Variants in PCSK5 observed in about 807,000 individuals in gnomAD.
PCSK5 encodes proprotein convertase subtilisin/kexin type 5, also known as prohormone convertase 5.
In PCSK5, 129 loss-of-function variants were observed where a neutral mutation model predicts 233.2. That is an observed-to-expected ratio of 0.55 (90% CI 0.48 to 0.64). PCSK5 has a LOEUF of 0.64. Among genes scored for constraint, PCSK5 ranks in the 30% least tolerant of loss-of-function variants. The pLI is 0.00. For missense variants in PCSK5, 2,076 were observed against 2,430.1 expected, an observed-to-expected ratio of 0.85 and a Z score of 3.06; for synonymous variants, 825 against 879.2, an observed-to-expected ratio of 0.94 and a Z score of 1.09.
At chr9:76,171,969 C>T (rs1823350732) in intron 13 of PCSK5, among the ~76,000 whole-genome samples, 1 of 151,942 alleles carries the variant, frequency 6.6e-6, no homozygotes, top group Non-Finnish European at 1.5e-5. Context: ...GTGTCTATAT[C>T]ATTGTTTCTG....
At chr9:76,153,955 C>T (rs1443278813) in intron 10 of PCSK5, among the ~76,000 whole-genome samples, 4 of 152,290 alleles carry the variant, frequency 2.6e-5, no homozygotes, top group East Asian at 1.9e-4. Flanking sequence ...TCACCAAAAA[C>T]GTCAATGTTT....
intron 24 of PCSK5, among the ~76,000 whole-genome samples, chr9:76,282,247 A>G (rs1205162058): frequency 4.3e-5 from 6 of 139,436 alleles, no homozygotes; most frequent in Middle Eastern, 9.6e-3. Flanking sequence ...CCTCCTGACT[A>G]GCTAGGACTA....
chr9:75,890,378 T>C (rs1825523919), upstream of PCSK5, among the ~76,000 whole-genome samples: 1 of 152,140 alleles, frequency 6.6e-6, no homozygotes, highest in Non-Finnish European at 1.5e-5. Context: ...TAAATTTCTT[T>C]AGTCTTTCGG....
At chr9:75,984,390 A>T (rs1425656481) in intron 2 of PCSK5, among the ~76,000 whole-genome samples, 1 of 152,166 alleles carries the variant, frequency 6.6e-6, no homozygotes, top group Admixed American at 6.5e-5. Context: ...ATGCACACAT[A>T]TAGGTTGGCA....
intron 24 of PCSK5, among the ~76,000 whole-genome samples, chr9:76,263,692 TG>T (rs1326992693): frequency 6.6e-6 from 1 of 151,910 alleles, no homozygotes; most frequent in Non-Finnish European, 1.5e-5. Flanking sequence ...GATGAGTTAA[TG>T]GGTGCAGCAC....
chr9:75,959,640 C>G (rs1433639106), intron 2 of PCSK5, among the ~76,000 whole-genome samples: 1 of 152,220 alleles, frequency 6.6e-6, no homozygotes, highest in Admixed American at 6.5e-5. Context: ...GTTGTACATA[C>G]TCCAGTGTGG....
intron 20 of PCSK5, among the ~76,000 whole-genome samples, chr9:76,206,970 T>G (rs541848851): frequency 2.0e-5 from 3 of 152,216 alleles, no homozygotes; most frequent in African/African-American, 4.8e-5. Context: ...CATTTTCTTG[T>G]TTTTTTCAGC....
At chr9:75,986,061 C>A (rs752051696) in intron 2 of PCSK5, 71 bp from the exon 3 acceptor site, 42 of 883,680 alleles carry the variant, frequency 4.8e-5, no homozygotes, top group African/African-American at 8.2e-5. Flanking sequence ...ATGGGAAATG[C>A]CTCAGACTGT....
chr9:76,335,280 C>A (rs1453639260), intron 34 of PCSK5, among the ~76,000 whole-genome samples: 1 of 152,116 alleles, frequency 6.6e-6, no homozygotes, highest in Non-Finnish European at 1.5e-5. Flanking sequence ...GACAATTGTT[C>A]CACAGCGTGT....
At chr9:76,041,812 C>G (rs1829131212) in intron 5 of PCSK5, among the ~76,000 whole-genome samples, 2 of 143,878 alleles carry the variant, frequency 1.4e-5, no homozygotes, top group African/African-American at 5.3e-5. Flanking sequence ...ACACCCCAGT[C>G]TGGGTGACAG....
At chr9:76,074,815 A>C (rs1303975594) in intron 7 of PCSK5, among the ~76,000 whole-genome samples, 1 of 152,198 alleles carries the variant, frequency 6.6e-6, no homozygotes, top group East Asian at 1.9e-4. Context: ...ATGTCCTCCT[A>C]TAAAACTATT....
chr9:76,281,928 C>T (rs892074110), intron 24 of PCSK5, among the ~76,000 whole-genome samples: 2 of 152,064 alleles, frequency 1.3e-5, no homozygotes, highest in African/African-American at 4.8e-5. Context: ...GTATTACAGG[C>T]TTGTGCCGTT....
intron 9 of PCSK5, among the ~76,000 whole-genome samples, chr9:76,117,159 C>T (rs1456327290): frequency 3.9e-5 from 6 of 152,118 alleles, no homozygotes; most frequent in African/African-American, 1.4e-4. Context: ...TTGGTATGTG[C>T]CTGGCACCGT....
chr9:76,245,059 TTTTG>T (rs909729901), intron 24 of PCSK5, among the ~76,000 whole-genome samples: 4 of 152,168 alleles, frequency 2.6e-5, no homozygotes, highest in African/African-American at 7.2e-5. Flanking sequence ...GAGGCACATT[TTTTG>T]TTTGTTTGTT....
chr9:76,120,856 C>T (rs1350803026), intron 9 of PCSK5, among the ~76,000 whole-genome samples: 1 of 151,994 alleles, frequency 6.6e-6, no homozygotes, highest in Non-Finnish European at 1.5e-5. Context: ...TCCTGGATAG[C>T]CTTGAGCAAG....
chr9:76,327,694 G>T (rs1270074409), intron 32 of PCSK5, among the ~76,000 whole-genome samples: 2 of 152,146 alleles, frequency 1.3e-5, no homozygotes, highest in South Asian at 2.1e-4. Context: ...AGAATGGCTT[G>T]TTATTATTTT....
intron 24 of PCSK5, among the ~76,000 whole-genome samples, chr9:76,269,377 C>T (rs1316540106): frequency 6.6e-6 from 1 of 152,136 alleles, no homozygotes; most frequent in African/African-American, 2.4e-5. Context: ...AAGATGATCA[C>T]GATATTCCTC....
chr9:76,191,893 AC>A lies in PCSK5; in HGVS notation c.2626+2148del, dbSNP rs560137442. Among the ~76,000 whole-genome samples, 528 of 152,248 alleles carry A rather than the reference AC, an allele frequency of 3.5e-3. 3 individuals carry two copies. The highest frequency in any genetic ancestry group is 5.1e-3 in the Admixed American group (78 of 15,292). ...GATGAAAGTGAGACCAGCCTGAGCA[AC>A]ATGGTGAAACCCCATCTCTACTAAA... On this transcript the variant is annotated intron_variant, in intron 20 of 37. Coordinates refer to ENST00000674117, the MANE Select transcript of PCSK5 (RefSeq NM_001372043.1).
Position 76,002,290 on chromosome 9 carries a change from A to G in PCSK5, c.411+16045A>G, listed in dbSNP as rs960112. Among the ~76,000 whole-genome samples the G allele has an allele frequency of 6.3e-3, 956 of 152,332 alleles. 11 individuals carry two copies. The highest frequency in any genetic ancestry group is 0.02 in the African/African-American group (847 of 41,572). On this transcript the variant is annotated intron_variant, in intron 3 of 37. Transcript: ENST00000674117. ...CTTGCAAATATACTCAAGCATTTCA[A>G]TCTTGTTAGGATCTTTAGTTTGATT...
Sources: allele counts gnomAD v4.1 joint callset (sites outside exome capture counted in the v4.1 genomes callset), GRCh38; gene constraint gnomAD v4.1.1; transcripts MANE v1.5; gene names NCBI Gene and HGNC (gene_info 2026-07-23, HGNC 2026-07-21).